HECW1: variants seen among roughly 807,000 people sequenced by gnomAD.
The protein encoded by HECW1 is HECT, C2 and WW domain containing E3 ubiquitin protein ligase 1, also known as E3 ubiquitin-protein ligase HECW1.
In HECW1, 61 loss-of-function variants were observed where a neutral mutation model predicts 182.3. The ratio of observed to expected loss-of-function variants is 0.33; its 90% CI spans 0.27 to 0.41. The LOEUF is 0.41. Ranked by LOEUF, HECW1 falls within the 10% of genes least tolerant of loss-of-function variation. HECW1 has a pLI of 1.00. For missense variants in HECW1, 1,739 were observed against 2,108.9 expected (o/e 0.82, Z 3.44); for synonymous variants, 859 against 832.6 (o/e 1.03, Z -0.55).
At chr7:43,180,375 T>C (rs1792719267) in intron 2 of HECW1, among the ~76,000 whole-genome samples, 1 of 151,792 alleles carries the variant, frequency 6.6e-6, no homozygotes, top group Admixed American at 6.6e-5. Context: ...AAGTTTTATT[T>C]TATTATTTTA....
At chr7:43,423,674 T>C (rs2076266810) in intron 8 of HECW1, among the ~76,000 whole-genome samples, 1 of 152,056 alleles carries the variant, frequency 6.6e-6, no homozygotes, top group East Asian at 1.9e-4. Context: ...TGGTGGTGGG[T>C]GGTGAGCTGG....
intron 15 of HECW1, among the ~76,000 whole-genome samples, chr7:43,467,960 T>C (rs969679885): frequency 8.6e-5 from 13 of 151,504 alleles, no homozygotes; most frequent in African/African-American, 3.2e-4. Flanking sequence ...TCCCCAGAGG[T>C]GTTGTGGGGA....
chr7:43,552,455 A>G, intron 28 of HECW1, 119 bp downstream of exon 28: 1 of 690,784 alleles, frequency 1.4e-6, no homozygotes, highest in Non-Finnish European at 2.7e-6. Flanking sequence ...CGAACAAGTC[A>G]GTGGCATTTA....
chr7:43,548,564 G>C (rs897561010), intron 26 of HECW1, among the ~76,000 whole-genome samples: 2 of 152,174 alleles, frequency 1.3e-5, no homozygotes, highest in African/African-American at 4.8e-5. Context: ...GACACCGTAG[G>C]CTTTAGGATT....
At chr7:43,428,912 A>C (rs1358578954) in intron 8 of HECW1, among the ~76,000 whole-genome samples, 1 of 152,126 alleles carries the variant, frequency 6.6e-6, no homozygotes, top group African/African-American at 2.4e-5. Flanking sequence ...ATATAAATAT[A>C]GATATGGATA....
At chr7:43,342,070 G>T (rs981898856) in intron 5 of HECW1, among the ~76,000 whole-genome samples, 9 of 151,816 alleles carry the variant, frequency 5.9e-5, no homozygotes, top group Non-Finnish European at 1.2e-4. Context: ...GGACAAGTAT[G>T]TATAAAAGAT....
chr7:43,113,623 C>T (rs1784810039), intron 1 of HECW1: 1 of 183,248 alleles, frequency 5.5e-6, no homozygotes, highest in East Asian at 8.9e-5. Flanking sequence ...ATGTCGCCTA[C>T]CGTATTGCGA....
chr7:43,548,686 A>G (rs976109265), intron 26 of HECW1, among the ~76,000 whole-genome samples: 7 of 152,170 alleles, frequency 4.6e-5, no homozygotes, highest in African/African-American at 1.2e-4. Context: ...CCACGCCTAT[A>G]ATCCTAGCAC....
At chr7:43,518,869 G>A (rs1344314910) in intron 24 of HECW1, among the ~76,000 whole-genome samples, 1 of 152,060 alleles carries the variant, frequency 6.6e-6, no homozygotes, top group East Asian at 1.9e-4. Flanking sequence ...TTTTTGGAGG[G>A]GACATAAGTA....
rs528313425 is a variant in HECW1, at chr7:43,374,698, C to T, written c.555+13718C>T. 2.1e-4 allele frequency among the ~76,000 whole-genome samples: 11 copies of T among 52,230 alleles called. 3 individuals are homozygous for T. The highest frequency in any genetic ancestry group is 5.3e-4 in the Admixed American group (3 of 5,690). 34.3% of individuals were successfully genotyped at this position (52,230 alleles called of 152,430 possible). A position where few individuals can be genotyped will look rare whatever the true frequency, so the allele number is the denominator to read the frequency against. On this transcript the variant is annotated intron_variant, in intron 6 of 29. Transcript: ENST00000395891. ...CTGAGGCAGGAGAATGGCTTGAACCCGGGAGGCGGAGCTTGCAGTGAGCCG... is the reference window on the plus strand; with the variant it reads ...CTGAGGCAGGAGAATGGCTTGAACCTGGGAGGCGGAGCTTGCAGTGAGCCG...
At chr7:43,550,112 AAG>A (rs199617441) in intron 26 of HECW1, among the ~76,000 whole-genome samples, 1,724 of 136,190 alleles carry the variant, frequency 0.013, 33 homozygotes, top group African/African-American at 0.041. Flanking sequence ...ACCAAAAAAA[AAG>A]AAGAAGAAGA....
At chr7:43,268,023 T>G (rs1456885366) in intron 3 of HECW1, among the ~76,000 whole-genome samples, 1 of 151,930 alleles carries the variant, frequency 6.6e-6, no homozygotes, top group African/African-American at 2.4e-5. Context: ...TATAGAACAC[T>G]TGCCACTTCA....
chr7:43,370,257 C>A (rs571513221), intron 6 of HECW1, among the ~76,000 whole-genome samples: 23 of 152,114 alleles, frequency 1.5e-4, no homozygotes, highest in Non-Finnish European at 3.2e-4. Flanking sequence ...TGAAAAGATG[C>A]CCAACAATAT....
chr7:43,115,962 C>T (rs1785010969), intron 2 of HECW1, among the ~76,000 whole-genome samples: 1 of 152,174 alleles, frequency 6.6e-6, no homozygotes, highest in African/African-American at 2.4e-5. Flanking sequence ...CTCTCCAGCA[C>T]CTAGCAGTTT....
chr7:43,311,594 C>T (rs763860017), intron 3 of HECW1, 169 bp from the exon 4 acceptor site: 9 of 775,290 alleles, frequency 1.2e-5, no homozygotes, highest in Non-Finnish European at 2.1e-5. Context: ...GAACCCAGAG[C>T]TGCAGCCTTT....
chr7:43,266,943 T>C (rs1301770950), intron 3 of HECW1, among the ~76,000 whole-genome samples: 1 of 152,196 alleles, frequency 6.6e-6, no homozygotes, highest in Non-Finnish European at 1.5e-5. Flanking sequence ...TTATTCTGTA[T>C]TGATGAAGTT....
chr7:43,531,981 C>G (rs146858623), intron 24 of HECW1, among the ~76,000 whole-genome samples: 1 of 152,306 alleles, frequency 6.6e-6, no homozygotes, highest in Admixed American at 6.5e-5. Context: ...ATCTGTAGTG[C>G]GGCCCTGTGC....
intron 8 of HECW1, among the ~76,000 whole-genome samples, chr7:43,414,445 A>G (rs1174020486): frequency 6.9e-6 from 1 of 145,428 alleles, no homozygotes; most frequent in Admixed American, 6.9e-5. Context: ...AATACCCTTT[A>G]TTTCCTTCTC....
chr7:43,213,639 G>T (rs1319578369), intron 2 of HECW1, among the ~76,000 whole-genome samples: 2 of 151,764 alleles, frequency 1.3e-5, no homozygotes, highest in Admixed American at 6.5e-5. Flanking sequence ...TAGAGGTGGG[G>T]TTTCACCGTG....
Sources: gnomAD v4.1 joint callset for allele counts (sites outside exome capture counted in the v4.1 genomes callset) on GRCh38, gnomAD v4.1.1 for gene constraint, MANE v1.5 for transcripts, NCBI Gene and HGNC (gene_info 2026-07-23, HGNC 2026-07-21) for gene names.